The following GRM1 variants were observed in gnomAD, a reference collection of about 807,000 sequenced individuals.
GRM1 encodes glutamate metabotropic receptor 1, also known as metabotropic glutamate receptor 1.
GRM1 carries 33 observed loss-of-function variants against 90.9 expected under a neutral mutation model. That is an observed-to-expected ratio of 0.36 (90% confidence interval 0.28 to 0.49). The LOEUF is 0.49. Ranked by LOEUF, GRM1 falls within the 20% of genes least tolerant of loss-of-function variation. The pLI, the probability that GRM1 is intolerant of heterozygous loss-of-function variation, is 0.99. For synonymous variants in GRM1, 700 were observed against 613.2 expected (o/e 1.14, Z -2.09); for missense variants, 1,190 against 1,534.3 (o/e 0.78, Z 3.75).
At chr6:146,161,264 G>A (rs1777713088) in intron 2 of GRM1, among the ~76,000 whole-genome samples, 2 of 152,132 alleles carry the variant, frequency 1.3e-5, no homozygotes, top group Non-Finnish European at 2.9e-5. Context: ...TTGAAAAGAT[G>A]TGGCAAACCT....
At chr6:146,030,513 T>C (rs534637412) in intron 1 of GRM1, among the ~76,000 whole-genome samples, 3 of 152,332 alleles carry the variant, frequency 2.0e-5, no homozygotes, top group Admixed American at 6.5e-5. Context: ...CCCTCATATT[T>C]TGAGTTTGCG....
At chr6:146,293,594 TTGTTATA>T (rs1783072595) in intron 2 of GRM1, among the ~76,000 whole-genome samples, 3 of 152,004 alleles carry the variant, frequency 2.0e-5, no homozygotes, top group Non-Finnish European at 4.4e-5. Context: ...GGTTTTAGTA[TTGTTATA>T]ATATCCTTAA....
intron 2 of GRM1, among the ~76,000 whole-genome samples, chr6:146,160,158 G>A (rs1002340633): frequency 6.6e-6 from 1 of 152,210 alleles, no homozygotes; most frequent in East Asian, 1.9e-4. Context: ...CAGTGAAAAT[G>A]GAAAATATGT....
At chr6:146,427,469 G>A (rs894387443) in intron 7 of GRM1, among the ~76,000 whole-genome samples, 2 of 152,078 alleles carry the variant, frequency 1.3e-5, no homozygotes, top group Admixed American at 6.5e-5. Context: ...CTGATGAGGT[G>A]TCTGTGGCTT....
At chr6:146,358,571 T>A (rs970325942) in intron 5 of GRM1, among the ~76,000 whole-genome samples, 1 of 152,118 alleles carries the variant, frequency 6.6e-6, no homozygotes, top group Admixed American at 6.6e-5. Flanking sequence ...GGCGTGAGGC[T>A]CTGGCTCCTG....
intron 2 of GRM1, among the ~76,000 whole-genome samples, chr6:146,175,502 G>A (rs1269991744): frequency 2.6e-5 from 4 of 152,152 alleles, no homozygotes; most frequent in African/African-American, 9.7e-5. Flanking sequence ...GTGTTTCTTT[G>A]CTGGGTTTAT....
intron 3 of GRM1, 103 bp from the exon 4 acceptor site, chr6:146,352,147 C>T: frequency 8.4e-7 from 1 of 1,193,202 alleles, no homozygotes. Flanking sequence ...TGTCATTGCT[C>T]ATTCCCTTCC....
At chr6:146,079,915 A>G (rs950495401) in intron 1 of GRM1, among the ~76,000 whole-genome samples, 1 of 152,104 alleles carries the variant, frequency 6.6e-6, no homozygotes, top group African/African-American at 2.4e-5. Context: ...GGTTTAAAAG[A>G]TGCCTGGATT....
chr6:146,297,452 G>A (rs543297189), intron 2 of GRM1, among the ~76,000 whole-genome samples: 23 of 152,184 alleles, frequency 1.5e-4, no homozygotes, highest in African/African-American at 4.8e-4. Context: ...GAGCCACCAC[G>A]CCCAGCCAAA....
At chr6:146,034,672 G>C (rs760928808) in intron 1 of GRM1, among the ~76,000 whole-genome samples, 1 of 151,880 alleles carries the variant, frequency 6.6e-6, no homozygotes, top group African/African-American at 2.4e-5. Flanking sequence ...AATAAGATAA[G>C]GGTCGAAAGT....
At chr6:146,332,816 T>G (rs769919841) in intron 3 of GRM1, among the ~76,000 whole-genome samples, 1 of 152,134 alleles carries the variant, frequency 6.6e-6, no homozygotes, top group Non-Finnish European at 1.5e-5. Flanking sequence ...CTTTTTAAAT[T>G]TCAATTCCAT....
intron 7 of GRM1, among the ~76,000 whole-genome samples, chr6:146,412,800 A>G (rs1777618037): frequency 1.3e-5 from 2 of 152,322 alleles, no homozygotes; most frequent in Middle Eastern, 3.4e-3. Context: ...ATGTCCTAGA[A>G]TAACTACTAA....
intron 2 of GRM1, among the ~76,000 whole-genome samples, chr6:146,204,942 C>T (rs1252846501): frequency 6.6e-6 from 1 of 152,124 alleles, no homozygotes; most frequent in Non-Finnish European, 1.5e-5. Flanking sequence ...AGGACATGGG[C>T]TTTGTTTCAT....
chr6:146,120,449 C>T (rs908643739), intron 1 of GRM1, among the ~76,000 whole-genome samples: 3 of 152,092 alleles, frequency 2.0e-5, no homozygotes, highest in African/African-American at 7.2e-5. Flanking sequence ...TGCCTGATTG[C>T]CCTGGCCAGA....
chr6:146,126,038 C>G (rs1471374084), intron 1 of GRM1, among the ~76,000 whole-genome samples: 1 of 151,872 alleles, frequency 6.6e-6, no homozygotes, highest in Non-Finnish European at 1.5e-5. Flanking sequence ...CAGCCAGAAA[C>G]TAGAGAAAAA....
intron 2 of GRM1, among the ~76,000 whole-genome samples, chr6:146,204,376 G>T (rs1779424058): frequency 6.6e-6 from 1 of 152,154 alleles, no homozygotes; most frequent in African/African-American, 2.4e-5. Flanking sequence ...CATAAGCACA[G>T]AAAAATCTAT....
At chr6:146,210,948 T>A (rs1318492191) in intron 2 of GRM1, among the ~76,000 whole-genome samples, 1 of 151,994 alleles carries the variant, frequency 6.6e-6, no homozygotes, top group Non-Finnish European at 1.5e-5. Flanking sequence ...AAGTTAAGCA[T>A]ATGGGTAAAA....
intron 1 of GRM1, among the ~76,000 whole-genome samples, chr6:146,089,472 G>A (rs6938972): frequency 0.37 from 56,307 of 151,962 alleles, 11,145 homozygotes; most frequent in Middle Eastern, 0.52. Flanking sequence ...GATAATGTGT[G>A]TGTGTTGCTT....
chr6:146,178,423 T>C (rs80191792), intron 2 of GRM1, among the ~76,000 whole-genome samples: 16,749 of 152,208 alleles, frequency 0.11, 1,863 homozygotes, highest in African/African-American at 0.28. Context: ...TTGGGAATAT[T>C]TTTTCTAAAC....
Sources: allele counts gnomAD v4.1 joint callset (sites outside exome capture counted in the v4.1 genomes callset), GRCh38; gene constraint gnomAD v4.1.1; transcripts MANE v1.5; gene names NCBI Gene and HGNC (gene_info 2026-07-23, HGNC 2026-07-21).